The following ADAMTS16 variants were observed in gnomAD, a reference collection of about 807,000 sequenced individuals.
ADAMTS16 encodes the protein ADAM metallopeptidase with thrombospondin type 1 motif 16.
A neutral mutation model predicts 145.8 loss-of-function variants in ADAMTS16; 94 were observed. The ratio of observed to expected loss-of-function variants is 0.64; its 90% CI spans 0.55 to 0.77. ADAMTS16 has a LOEUF of 0.77. Ranked by LOEUF, ADAMTS16 falls within the 30% of genes least tolerant of loss-of-function variation. The probability of loss-of-function intolerance (pLI) is 0.00; values close to 1 mark genes in which losing one functional copy is unlikely to be tolerated. For synonymous variants in ADAMTS16, 659 were observed against 604.3 expected (o/e 1.09, Z -1.33); for missense variants, 1,585 against 1,591.5 (o/e 1.00, Z 0.07).
intron 18 of ADAMTS16, among the ~76,000 whole-genome samples, chr5:5,265,801 T>C (rs935809365): frequency 6.6e-6 from 1 of 152,168 alleles, no homozygotes; most frequent in African/African-American, 2.4e-5. Context: ...TTGACATCAC[T>C]GTAACCTTGA....
At chr5:5,252,918 C>A (rs1367286198) in intron 17 of ADAMTS16, among the ~76,000 whole-genome samples, 1 of 152,198 alleles carries the variant, frequency 6.6e-6, no homozygotes, top group African/African-American at 2.4e-5. Context: ...AAATGAAATT[C>A]TCCACTGGTG....
chr5:5,186,320 G>A (rs902411848), intron 5 of ADAMTS16, 69 bp downstream of exon 5: 97 of 1,351,108 alleles, frequency 7.2e-5, no homozygotes, highest in Non-Finnish European at 9.4e-5. Context: ...GTGTGTGTGT[G>A]TGTGTGTGTG....
At chr5:5,168,522 C>T (rs1219722576) in intron 3 of ADAMTS16, among the ~76,000 whole-genome samples, 1 of 140,176 alleles carries the variant, frequency 7.1e-6, no homozygotes, top group Non-Finnish European at 1.5e-5. Flanking sequence ...TCTAATTGCA[C>T]CATAAGTAAC....
chr5:5,242,541 A>G (rs761316555), intron 17 of ADAMTS16, among the ~76,000 whole-genome samples: 1 of 152,230 alleles, frequency 6.6e-6, no homozygotes, highest in Non-Finnish European at 1.5e-5. Flanking sequence ...AGAAACAGAC[A>G]CTACCATGGA....
intron 17 of ADAMTS16, among the ~76,000 whole-genome samples, chr5:5,259,827 T>C (rs1737939152): frequency 6.6e-6 from 1 of 152,190 alleles, no homozygotes; most frequent in African/African-American, 2.4e-5. Context: ...ATTTTTCCTT[T>C]TGGTGTAGTG....
chr5:5,250,581 G>A (rs550686859), intron 17 of ADAMTS16, among the ~76,000 whole-genome samples: 3 of 152,300 alleles, frequency 2.0e-5, no homozygotes, highest in East Asian at 3.9e-4. Flanking sequence ...TGGGGCCCAG[G>A]CCCAGGAGCA....
At chr5:5,279,147 G>A (rs1190011498) in intron 18 of ADAMTS16, among the ~76,000 whole-genome samples, 1 of 152,138 alleles carries the variant, frequency 6.6e-6, no homozygotes, top group Non-Finnish European at 1.5e-5. Flanking sequence ...GCCCAGGCCT[G>A]TCACCCTGCT....
In ADAMTS16 at chr5:5,160,396, G is replaced by A. The variant is rs187729617; in HGVS notation, c.501+13941G>A. Among the ~76,000 whole-genome samples the A allele has an allele frequency of 3.4e-3, 517 of 152,090 alleles. 2 individuals are homozygous for A. The highest frequency in any genetic ancestry group is 0.012 in the African/African-American group (495 of 41,486). On this transcript the variant is annotated intron_variant, in intron 3 of 22. Transcript: ENST00000274181. ...TATTGTCCATTGGGAAATAGTGGTGGGCTCATGCAGTCTAGTTAAATCCCA... is the reference window on the plus strand; with the variant it reads ...TATTGTCCATTGGGAAATAGTGGTGAGCTCATGCAGTCTAGTTAAATCCCA...
intron 11 of ADAMTS16, among the ~76,000 whole-genome samples, chr5:5,231,439 T>C (rs1736920378): frequency 6.6e-6 from 1 of 152,074 alleles, no homozygotes; most frequent in South Asian, 2.1e-4. Flanking sequence ...TAGCCTTTTT[T>C]TTTTTCTGTC....
chr5:5,192,393 A>C (rs1735686439), intron 8 of ADAMTS16, among the ~76,000 whole-genome samples: 1 of 152,152 alleles, frequency 6.6e-6, no homozygotes, highest in South Asian at 2.1e-4. Context: ...TAAATGATGA[A>C]GAACAGTGTC....
At chr5:5,210,926 C>T (rs1218811562) in intron 10 of ADAMTS16, among the ~76,000 whole-genome samples, 2 of 152,176 alleles carry the variant, frequency 1.3e-5, no homozygotes, top group East Asian at 3.8e-4. Context: ...AATCTGCCTT[C>T]CTGGGATAAC....
At chr5:5,304,555 C>A (rs1304202103) in intron 20 of ADAMTS16, among the ~76,000 whole-genome samples, 1 of 152,088 alleles carries the variant, frequency 6.6e-6, no homozygotes, top group Non-Finnish European at 1.5e-5. Context: ...GAAAGCTCCT[C>A]CCTGATCCCA....
At chr5:5,280,818 ATAAAG>A (rs1260254878) in intron 18 of ADAMTS16, among the ~76,000 whole-genome samples, 1 of 152,202 alleles carries the variant, frequency 6.6e-6, no homozygotes, top group Non-Finnish European at 1.5e-5. Flanking sequence ...TGAGAAGAAA[ATAAAG>A]TAAATTACCT....
At chr5:5,263,277 C>G (rs994334998) in intron 18 of ADAMTS16, among the ~76,000 whole-genome samples, 6 of 152,180 alleles carry the variant, frequency 3.9e-5, no homozygotes, top group African/African-American at 1.4e-4. Flanking sequence ...CTCACTGCTA[C>G]TGCCCCTAGG....
intron 17 of ADAMTS16, among the ~76,000 whole-genome samples, chr5:5,246,648 T>C (rs1178710570): frequency 6.6e-6 from 1 of 152,206 alleles, no homozygotes; most frequent in Non-Finnish European, 1.5e-5. Context: ...AATTGAGCAA[T>C]GAAATGCCAA....
intron 10 of ADAMTS16, among the ~76,000 whole-genome samples, chr5:5,215,590 A>AT (rs1736400156): frequency 6.6e-6 from 1 of 151,266 alleles, no homozygotes; most frequent in African/African-American, 2.4e-5. Flanking sequence ...ACAATATTTG[A>AT]TTTTCCATTC....
intron 9 of ADAMTS16, among the ~76,000 whole-genome samples, chr5:5,200,491 C>T (rs1433692400): frequency 6.6e-6 from 1 of 152,142 alleles, no homozygotes; most frequent in Non-Finnish European, 1.5e-5. Context: ...GAATCAATGA[C>T]TTGAGACTAA....
intron 3 of ADAMTS16, among the ~76,000 whole-genome samples, chr5:5,148,485 G>A (rs1455599197): frequency 2.0e-5 from 3 of 152,106 alleles, no homozygotes; most frequent in Admixed American, 6.5e-5. Context: ...ATAATATCTT[G>A]TATCATTTAA....
chr5:5,187,859 G>A (rs72647744), intron 6 of ADAMTS16, 51 bp downstream of exon 6: 95 of 1,217,298 alleles, frequency 7.8e-5, no homozygotes, highest in Non-Finnish European at 1.0e-4. Context: ...AAAAATAAAT[G>A]CAAAATAATG....
Sources: gnomAD v4.1 joint callset for allele counts (sites outside exome capture counted in the v4.1 genomes callset) on GRCh38, gnomAD v4.1.1 for gene constraint, MANE v1.5 for transcripts, NCBI Gene and HGNC (gene_info 2026-07-23, HGNC 2026-07-21) for gene names.